Variants in CX3CR1 observed in about 807,000 individuals in gnomAD.
The protein encoded by CX3CR1 is CX3C chemokine receptor 1.
For missense variants in CX3CR1, 363 were observed against 432.4 expected (o/e 0.84, Z 1.42); for synonymous variants, 168 against 178.5 (o/e 0.94, Z 0.47).
At chr3:39,279,867 G>T in intron 1 of CX3CR1, 87 bp downstream of exon 1, 1 of 538,090 alleles carries the variant, frequency 1.9e-6, no homozygotes, top group Non-Finnish European at 2.4e-6. Context: ...TCCATTGTCT[G>T]CACGTAAGCA....
chr3:39,270,603 C>A (rs569037220), intron 1 of CX3CR1, among the ~76,000 whole-genome samples: 22 of 152,300 alleles, frequency 1.4e-4, no homozygotes, highest in African/African-American at 5.1e-4. Flanking sequence ...AGTATGCTGT[C>A]ATTTGTGGAA....
the CX3CR1 span, chr3:39,286,874 G>A: frequency 1.3e-5 from 2 of 152,192 alleles, no homozygotes; most frequent in Non-Finnish European, 2.9e-5. Flanking sequence ...AGTACAAGAT[G>A]CAAACATAGC....
intron 1 of CX3CR1, among the ~76,000 whole-genome samples, chr3:39,275,383 T>C (rs1378570209): frequency 6.6e-6 from 1 of 152,176 alleles, no homozygotes; most frequent in African/African-American, 2.4e-5. Context: ...TGCTGCAAAA[T>C]TACCCCTTGT....
chr3:39,280,008 G>A lies in CX3CR1; in HGVS notation c.-64C>T. On this transcript the variant is annotated 5_prime_UTR_variant, in exon 1 of 2. Coordinates refer to ENST00000399220, the MANE Select transcript of CX3CR1 (RefSeq NM_001337.4). ...ATCTGCCAGTCAGCCACCCTGTCCT[G>A]CTCAGACTTTACCAGAGACGAGTAT... is the stretch of plus-strand genomic sequence containing the variant. The A allele has an allele frequency of 1.0e-6, 1 of 985,522 alleles. No individual in the cohort carries two copies. Among genetic ancestry groups the A allele is most frequent in the South Asian group, 4.7e-5 (1 of 21,284 alleles). 61.0% of individuals were successfully genotyped at this position (985,522 alleles called of 1,614,324 possible).
At chr3:39,289,950 C>T in the CX3CR1 span, among the ~76,000 whole-genome samples, 173 of 152,312 alleles carry the variant, frequency 1.1e-3, 2 homozygotes, top group Middle Eastern at 6.8e-3. Flanking sequence ...ATTGTTTAAG[C>T]CACCCAGTCT....
chr3:39,281,496 C>G, upstream of CX3CR1: 1 of 946,948 alleles, frequency 1.1e-6, no homozygotes, highest in Non-Finnish European at 1.6e-6. Context: ...CACCCCACAT[C>G]AGTAATCCCC....
chr3:39,271,151 G>A lies in CX3CR1; in HGVS notation c.-9-4633C>T, dbSNP rs143245984. ...GTCCTCTTCAGCTCTGCAGGCCAAT[G>A]TTCAACAGAAGGCCTGGTACACAGC... On this transcript the variant is annotated intron_variant, in intron 1 of 1. Coordinates refer to ENST00000399220, the MANE Select transcript of CX3CR1 (RefSeq NM_001337.4). Among the ~76,000 whole-genome samples, 636 of 152,278 alleles carry A rather than the reference G, an allele frequency of 4.2e-3. 8 individuals carry two copies. The highest frequency in any genetic ancestry group is 0.015 in the African/African-American group (618 of 41,558).
intron 1 of CX3CR1, among the ~76,000 whole-genome samples, chr3:39,271,027 C>T (rs1051156067): frequency 6.6e-6 from 1 of 152,110 alleles, no homozygotes; most frequent in African/African-American, 2.4e-5. Context: ...GCAGTGAGGG[C>T]CCAGATGTGT....
chr3:39,265,969 C>T lies in CX3CR1; in HGVS notation c.541G>A (p.Glu181Lys), dbSNP rs766834140. ...ACGGGCCAGATTTCCTGGAGGACCT[C>T]GGGGTAGTCACCAAGGCATTCATTT... Reference protein sequence around the residue: ...KENECLGDYPEVLQEIWPVLR... With the variant: ...KENECLGDYPKVLQEIWPVLR... The change falls in exon 2 of 2, where the codon GAG becomes AAG. Residue 181 changes from glutamate to lysine, a missense_variant. Coordinates refer to ENST00000399220, the MANE Select transcript of CX3CR1 (RefSeq NM_001337.4). 6.8e-6 allele frequency: 11 copies of T among 1,614,126 alleles called. No individual in the cohort carries two copies. The highest frequency in any genetic ancestry group is 1.1e-5 in the South Asian group (1 of 91,072).
At chr3:39,269,302 C>T (rs145883535) in intron 1 of CX3CR1, among the ~76,000 whole-genome samples, 1 of 152,070 alleles carries the variant, frequency 6.6e-6, no homozygotes, top group Non-Finnish European at 1.5e-5. Flanking sequence ...CAGAGGGGTC[C>T]CAAATCAGGC....
chr3:39,265,286 G>T lies in CX3CR1; in HGVS notation c.*156C>A. 1.5e-6 allele frequency: 1 copy of T among 666,138 alleles called. No homozygotes were observed. The highest frequency in any genetic ancestry group is 2.5e-5 in the South Asian group (1 of 39,392). The allele number at this position is 666,138 out of a possible 1,614,324, so 41.3% of individuals were successfully genotyped here. ...TCAATTTGTTCATTCTTCAAATTTT[G>T]AGCACAATTCTCAACAACACTCTAG... is the stretch of plus-strand genomic sequence containing the variant. On this transcript the variant is annotated 3_prime_UTR_variant, in exon 2 of 2. Transcript: ENST00000399220.
At chr3:39,271,261 C>T (rs1424718869) in intron 1 of CX3CR1, among the ~76,000 whole-genome samples, 2 of 152,162 alleles carry the variant, frequency 1.3e-5, no homozygotes, top group African/African-American at 4.8e-5. Context: ...GTGATGACAG[C>T]ACCCTATCAG....
chr3:39,271,193 T>C (rs1217319340), intron 1 of CX3CR1, among the ~76,000 whole-genome samples: 2 of 152,148 alleles, frequency 1.3e-5, no homozygotes, highest in African/African-American at 4.8e-5. Flanking sequence ...CATATGAATA[T>C]TTGCAGAAGG....
At chr3:39,269,739 G>C (rs528237025) in intron 1 of CX3CR1, among the ~76,000 whole-genome samples, 2 of 152,332 alleles carry the variant, frequency 1.3e-5, no homozygotes, top group African/African-American at 4.8e-5. Flanking sequence ...TGCTGTCTCA[G>C]AGTCCCCAGT....
chr3:39,287,860 A>G, the CX3CR1 span: 1 of 152,230 alleles, frequency 6.6e-6, no homozygotes, highest in Non-Finnish European at 1.5e-5. Context: ...GAAATCACAC[A>G]TTCGGCAACA....
chr3:39,265,603 A>G lies in CX3CR1; in HGVS notation c.907T>C (p.Tyr303His). The change falls in exon 2 of 2, where the codon TAC becomes CAC. Residue 303 changes from tyrosine (Y) to histidine (H), a missense_variant. Transcript: ENST00000399220. ...CATTTCCCATACAGGTGGTAAAGGT[A>G]TCTTCTGAACTTCTCCCCAGCAAAT... ...YAFAGEKFRR[Y>H]LYHLYGKCLA... 6.2e-7 allele frequency: 1 copy of G among 1,614,230 alleles called. No individual in the cohort carries two copies. The highest frequency in any genetic ancestry group is 1.6e-4 in the Middle Eastern group (1 of 6,062).
At chr3:39,291,892 C>A in the CX3CR1 span, among the ~76,000 whole-genome samples, 1 of 152,354 alleles carries the variant, frequency 6.6e-6, no homozygotes, top group Non-Finnish European at 1.5e-5. Flanking sequence ...GAACCTACAG[C>A]AGATGCCTTC....
At chr3:39,267,093 C>T (rs1284787992) in intron 1 of CX3CR1, among the ~76,000 whole-genome samples, 1 of 152,032 alleles carries the variant, frequency 6.6e-6, no homozygotes, top group Admixed American at 6.6e-5. Context: ...CAGCTCTAGG[C>T]TTTTTGAAGC....
At chr3:39,267,491 C>T (rs1366524917) in intron 1 of CX3CR1, among the ~76,000 whole-genome samples, 3 of 152,194 alleles carry the variant, frequency 2.0e-5, no homozygotes, top group Non-Finnish European at 4.4e-5. Context: ...CAGACAGAGT[C>T]ATACACTCTA....
Sources: gnomAD v4.1 joint callset for allele counts (sites outside exome capture counted in the v4.1 genomes callset) on GRCh38, gnomAD v4.1.1 for gene constraint, MANE v1.5 for transcripts, NCBI Gene and HGNC (gene_info 2026-07-23, HGNC 2026-07-21) for gene names.